NRXN1: variants seen among roughly 807,000 people sequenced by gnomAD.
NRXN1 encodes neurexin-1.
A neutral mutation model predicts 150.9 loss-of-function variants in NRXN1; 39 were observed. That is an observed-to-expected ratio of 0.26 (90% confidence interval 0.20 to 0.34). The LOEUF (loss-of-function observed/expected upper bound fraction) is 0.34. Ranked by LOEUF, NRXN1 falls within the 10% of genes least tolerant of loss-of-function variation. NRXN1 has a pLI of 1.00. For synonymous variants in NRXN1, 924 were observed against 757.0 expected (o/e 1.22, Z -3.62); for missense variants, 1,815 against 1,949.9 (o/e 0.93, Z 1.30).
intron 5 of NRXN1, among the ~76,000 whole-genome samples, chr2:50,852,927 C>G (rs558912010): frequency 1.3e-5 from 2 of 152,122 alleles, no homozygotes; most frequent in African/African-American, 4.8e-5. Context: ...TCATGAAAGG[C>G]TTTGTAAAAT....
At chr2:50,587,184 G>A (rs1261764489) in intron 8 of NRXN1, among the ~76,000 whole-genome samples, 2 of 152,304 alleles carry the variant, frequency 1.3e-5, no homozygotes, top group Admixed American at 1.3e-4. Flanking sequence ...GGTGAAGCGA[G>A]CATAAGAATC....
At chr2:50,252,829 TAA>T (rs2067292647) in intron 17 of NRXN1, among the ~76,000 whole-genome samples, 1 of 152,186 alleles carries the variant, frequency 6.6e-6, no homozygotes, top group South Asian at 2.1e-4. Context: ...TAGTATAGTT[TAA>T]AGTCAGGTAA....
At chr2:49,972,698 A>G (rs1228689162) in intron 21 of NRXN1, 1 of 152,200 alleles carries the variant, frequency 6.6e-6, no homozygotes, top group Non-Finnish European at 1.5e-5. Flanking sequence ...AGCAACTTCT[A>G]TTCATGGAAT....
chr2:49,966,433 C>G (rs947155725), intron 21 of NRXN1, among the ~76,000 whole-genome samples: 1 of 151,846 alleles, frequency 6.6e-6, no homozygotes, highest in Non-Finnish European at 1.5e-5. Flanking sequence ...ATCTCAGATG[C>G]AGATTCATCT....
Position 50,922,641 on chromosome 2 carries a change from A to T in NRXN1, c.820+17T>A, listed in dbSNP as rs1321455775. 11 of 1,609,030 alleles carry T rather than the reference A, an allele frequency of 6.8e-6. No individual in the cohort carries two copies. Among genetic ancestry groups the T allele is most frequent in the African/African-American group, 1.3e-5 (1 of 74,700 alleles). ...GAAAACACTGAAAGCAGAGTGGAAA[A>T]GGAACAGAGCCCATACCTTGGTCGC... On this transcript the variant is annotated intron_variant, in intron 4 of 22. Transcript: ENST00000401669.
At position 49,923,719 on chromosome 2, in the gene NRXN1, CGTGT is replaced by C. The variant is rs374281286; in HGVS notation, c.4217-1472_4217-1469del. ...ATCACCAATATTTCTTTTGCCTAAA[CGTGT>C]GTGTGTGTGTGTTTTTCTGTGATTT... On this transcript the variant is annotated intron_variant, in intron 22 of 22. Coordinates refer to ENST00000401669, the MANE Select transcript of NRXN1 (RefSeq NM_001330078.2). Among the ~76,000 whole-genome samples, 4 of 151,600 alleles carry C rather than the reference CGTGT, an allele frequency of 2.6e-5. No individual in the cohort carries two copies. In the South Asian group the frequency reaches 8.3e-4, roughly 32 times the overall value.
intron 9 of NRXN1, among the ~76,000 whole-genome samples, chr2:50,543,008 T>C (rs913265149): frequency 6.6e-6 from 1 of 152,148 alleles, no homozygotes; most frequent in East Asian, 1.9e-4. Flanking sequence ...TTAAACCTGG[T>C]TCATTGATAA....
intron 5 of NRXN1, among the ~76,000 whole-genome samples, chr2:50,665,799 G>A (rs1360995029): frequency 6.6e-6 from 1 of 151,890 alleles, no homozygotes; most frequent in Non-Finnish European, 1.5e-5. Context: ...ATTATGCAGT[G>A]TAGAACTGTG....
At chr2:50,829,429 A>C in intron 5 of NRXN1, 1 of 1,478,302 alleles carries the variant, frequency 6.8e-7, no homozygotes, top group Non-Finnish European at 9.4e-7. Context: ...TGCCCGGCTA[A>C]CTCAGGATTT....
chr2:50,457,434 A>T (rs2087685065), intron 17 of NRXN1, among the ~76,000 whole-genome samples: 1 of 152,112 alleles, frequency 6.6e-6, no homozygotes, highest in African/African-American at 2.4e-5. Context: ...AGACGCATTC[A>T]AGTTCTGTTT....
chr2:50,439,230 T>C (rs1169119697), intron 17 of NRXN1, among the ~76,000 whole-genome samples: 1 of 152,220 alleles, frequency 6.6e-6, no homozygotes, highest in Non-Finnish European at 1.5e-5. Flanking sequence ...GTATGTTTAG[T>C]AGATGTTTTG....
At chr2:50,266,042 A>T (rs948318402) in intron 17 of NRXN1, among the ~76,000 whole-genome samples, 5 of 145,942 alleles carry the variant, frequency 3.4e-5, no homozygotes, top group African/African-American at 1.3e-4. Flanking sequence ...TCTGTTGCCC[A>T]GGCTGGAGTG....
chr2:50,057,030 A>G (rs1573648032), intron 19 of NRXN1, among the ~76,000 whole-genome samples: 1 of 152,134 alleles, frequency 6.6e-6, no homozygotes, highest in Non-Finnish European at 1.5e-5. Context: ...ACTACAGTCT[A>G]TTGACAGACC....
intron 17 of NRXN1, among the ~76,000 whole-genome samples, chr2:50,280,294 AC>A (rs753443516): frequency 2.7e-5 from 4 of 149,218 alleles, no homozygotes; most frequent in South Asian, 2.1e-4. Context: ...AAAAAAAAAA[AC>A]AGATATATTA....
intron 8 of NRXN1, among the ~76,000 whole-genome samples, chr2:50,560,930 A>G (rs1437138604): frequency 6.6e-6 from 1 of 152,210 alleles, no homozygotes; most frequent in Non-Finnish European, 1.5e-5. Context: ...CTACAGTAAT[A>G]TAATTTATCC....
chr2:50,349,206 A>C (rs1575178419), intron 17 of NRXN1, among the ~76,000 whole-genome samples: 1 of 152,190 alleles, frequency 6.6e-6, no homozygotes, highest in Non-Finnish European at 1.5e-5. Flanking sequence ...GAAACAGTTC[A>C]GCCTTGCTAA....
At chr2:50,560,393 A>T (rs1298073406) in intron 8 of NRXN1, among the ~76,000 whole-genome samples, 1 of 151,786 alleles carries the variant, frequency 6.6e-6, no homozygotes, top group Non-Finnish European at 1.5e-5. Context: ...GTAGAAAATG[A>T]ACAAGCCCTG....
chr2:50,028,811 T>A (rs1278885690), intron 21 of NRXN1, among the ~76,000 whole-genome samples: 1 of 152,252 alleles, frequency 6.6e-6, no homozygotes, highest in Non-Finnish European at 1.5e-5. Flanking sequence ...AGTTGCTTCT[T>A]TTCTGACAGT....
At position 50,334,209 on chromosome 2, in the gene NRXN1, A is replaced by ATATATATATATATATATATATATATATG. The variant is rs760530144; in HGVS notation, c.3365-97240_3365-97239insCATATATATATATATATATATATATATA. Among the ~76,000 whole-genome samples the ATATATATATATATATATATATATATATG allele has an allele frequency of 6.3e-3, 762 of 120,800 alleles. 7 individuals are homozygous for ATATATATATATATATATATATATATATG. Among genetic ancestry groups the ATATATATATATATATATATATATATATG allele is most frequent in the Admixed American group, 8.5e-3 (112 of 13,182 alleles). 79.2% of individuals were successfully genotyped at this position (120,800 alleles called of 152,430 possible). ...CAGGACCAAATATATATATATATAT[A>ATATATATATATATATATATATATATATG]TATGTATGTAGATATTGTTTAACGG... On this transcript the variant is annotated intron_variant, in intron 17 of 22. Coordinates refer to ENST00000401669, the MANE Select transcript of NRXN1 (RefSeq NM_001330078.2).
Sources: gnomAD v4.1 joint callset for allele counts (sites outside exome capture counted in the v4.1 genomes callset) on GRCh38, gnomAD v4.1.1 for gene constraint, MANE v1.5 for transcripts, NCBI Gene and HGNC (gene_info 2026-07-23, HGNC 2026-07-21) for gene names.